The following RHOH variants were observed in gnomAD, a reference collection of about 807,000 sequenced individuals.
RHOH encodes the protein rho-related GTP-binding protein RhoH.
RHOH carries 6 observed loss-of-function variants against 13.8 expected under a neutral mutation model. The ratio of observed to expected loss-of-function variants is 0.44; its 90% CI spans 0.24 to 0.86. The LOEUF (loss-of-function observed/expected upper bound fraction) is 0.86, where lower values mean the gene tolerates loss of function less well. Ranked by LOEUF, RHOH falls within the 40% of genes least tolerant of loss-of-function variation. RHOH has a pLI of 0.24. For synonymous variants in RHOH, 117 were observed against 103.0 expected (o/e 1.14, Z -0.82); for missense variants, 147 against 244.5 (o/e 0.60, Z 2.66).
At chr4:40,214,858 G>T (rs1725691287) in intron 1 of RHOH, among the ~76,000 whole-genome samples, 2 of 152,156 alleles carry the variant, frequency 1.3e-5, no homozygotes, top group Admixed American at 6.5e-5. Context: ...GTTGACCAGG[G>T]AATGTCTTGG....
At chr4:40,201,836 G>C (rs760169599) in intron 1 of RHOH, among the ~76,000 whole-genome samples, 1 of 150,208 alleles carries the variant, frequency 6.7e-6, no homozygotes, top group Non-Finnish European at 1.5e-5. Context: ...ATAATTCAAA[G>C]AAAAGTAATA....
rs1014853307 is a variant in RHOH, at chr4:40,246,307, G to C, written c.*2345G>C. On this transcript the variant is annotated 3_prime_UTR_variant, in exon 3 of 3. Coordinates refer to ENST00000381799, the MANE Select transcript of RHOH (RefSeq NM_004310.5). ...GGGGTGGGTATCTGAAAGTGGGAAG[G>C]GCCACCATACATGATCCTAAGTGAA... is the stretch of plus-strand genomic sequence containing the variant. 1 of 152,280 alleles carries C rather than the reference G, an allele frequency of 6.6e-6. No individual in the cohort carries two copies. The allele number at this position is 152,280 out of a possible 1,614,324, so 9.4% of individuals were successfully genotyped here.
At chr4:40,232,156 C>T (rs187023110) in intron 1 of RHOH, among the ~76,000 whole-genome samples, 97 of 152,222 alleles carry the variant, frequency 6.4e-4, no homozygotes, top group African/African-American at 2.1e-3. Context: ...AACTTGGCTT[C>T]AATGCCTGAC....
At chr4:40,196,169 C>A (rs1349777393), upstream of RHOH, among the ~76,000 whole-genome samples, 1 of 152,190 alleles carries the variant, frequency 6.6e-6, no homozygotes, top group African/African-American at 2.4e-5. Flanking sequence ...GGCCGATGCA[C>A]TGATAAAATA....
At chr4:40,233,090 C>T (rs949846535) in intron 1 of RHOH, among the ~76,000 whole-genome samples, 1 of 152,108 alleles carries the variant, frequency 6.6e-6, no homozygotes, top group Admixed American at 6.6e-5. Context: ...TACGACAACC[C>T]CTCAAGGTAA....
chr4:40,197,623 G>A (rs563627868), intron 1 of RHOH, among the ~76,000 whole-genome samples: 1 of 152,238 alleles, frequency 6.6e-6, no homozygotes, highest in East Asian at 1.9e-4. Context: ...TACTACCCAA[G>A]GTTTGATGAA....
At chr4:40,193,479 C>CGAGAGAGAGAGAGAGA (rs34244157), upstream of RHOH, among the ~76,000 whole-genome samples, 442 of 88,648 alleles carry the variant, frequency 5.0e-3, 5 homozygotes, top group African/African-American at 7.9e-3. Context: ...AGAATGAGAG[C>CGAGAGAGAGAGAGAGA]GAGAGAGAGA....
At chr4:40,197,742 C>T (rs548413163) in intron 1 of RHOH, among the ~76,000 whole-genome samples, 1 of 152,312 alleles carries the variant, frequency 6.6e-6, no homozygotes, top group Admixed American at 6.5e-5. Context: ...TCTGGAATTT[C>T]TAGCTTGTGT....
intron 1 of RHOH, among the ~76,000 whole-genome samples, chr4:40,197,900 A>G (rs2109343639): frequency 6.6e-6 from 1 of 152,338 alleles, no homozygotes; most frequent in Non-Finnish European, 1.5e-5. Context: ...CTGAGTTGTA[A>G]CTAAACAAAG....
At chr4:40,201,294 A>G (rs1018520691) in intron 1 of RHOH, among the ~76,000 whole-genome samples, 1 of 151,504 alleles carries the variant, frequency 6.6e-6, no homozygotes, top group African/African-American at 2.4e-5. Flanking sequence ...CATTATTTGC[A>G]TCATCTATGG....
At chr4:40,197,518 A>G (rs1323635570) in intron 1 of RHOH, among the ~76,000 whole-genome samples, 1 of 152,168 alleles carries the variant, frequency 6.6e-6, no homozygotes, top group Non-Finnish European at 1.5e-5. Flanking sequence ...TGAAACATGA[A>G]AAGTTACAAT....
At position 40,218,335 on chromosome 4, in the gene RHOH, GT is replaced by G. The variant is rs1177813589; in HGVS notation, c.-331+21036del. 2.0e-5 allele frequency: 3 copies of G among 152,208 alleles called. No homozygotes were observed. The highest frequency in any genetic ancestry group is 7.2e-5 in the African/African-American group (3 of 41,440). The allele number at this position is 152,208 out of a possible 1,614,324, so 9.4% of individuals were successfully genotyped here. On this transcript the variant is annotated intron_variant, in intron 1 of 2. Transcript: ENST00000381799. The surrounding 1 kb of genome is among the most constrained non-coding windows in gnomAD (Gnocchi z 4.1). Reference sequence around the variant, plus strand: ...ATGCACGTTCTGTCTACAATGACCAGTGGACTCTAAACTGGGCTGGAACATG... The same window carrying G: ...ATGCACGTTCTGTCTACAATGACCAGGGACTCTAAACTGGGCTGGAACATG...
upstream of RHOH, among the ~76,000 whole-genome samples, chr4:40,194,793 T>C (rs1228366198): frequency 1.3e-5 from 2 of 152,240 alleles, no homozygotes; most frequent in African/African-American, 4.8e-5. Context: ...GAGTTGCTTT[T>C]AGTAAACTCT....
intron 1 of RHOH, among the ~76,000 whole-genome samples, chr4:40,230,246 C>T (rs1187793334): frequency 1.3e-5 from 2 of 151,864 alleles, no homozygotes; most frequent in Non-Finnish European, 2.9e-5. Flanking sequence ...GCCATGTTGG[C>T]CAGGCTGGTC....
chr4:40,193,373 G>A (rs1722802587), upstream of RHOH, among the ~76,000 whole-genome samples: 1 of 152,146 alleles, frequency 6.6e-6, no homozygotes, highest in Non-Finnish European at 1.5e-5. Context: ...CACGCCCTGG[G>A]GCTTGGGTGC....
chr4:40,201,280 T>C (rs1297370772), intron 1 of RHOH, among the ~76,000 whole-genome samples: 1 of 152,036 alleles, frequency 6.6e-6, no homozygotes, highest in Non-Finnish European at 1.5e-5. Context: ...CATTAGGTTT[T>C]ATTCATTATT....
At position 40,243,752 on chromosome 4, in the gene RHOH, G is replaced by T; in HGVS notation, c.366G>T (p.Glu122Asp). ...LVVATQTDQR[E>D]MGPHRASCVN... ...TGGCCACCCAGACTGACCAGCGGGA[G>T]ATGGGGCCCCACAGGGCCTCCTGCG... The change falls in exon 3 of 3, where the codon GAG becomes GAT. Residue 122 changes from glutamate (E) to aspartate (D), a missense_variant. Glu to Asp is a conservative substitution (Grantham distance 45). Around this residue, in one of 3 missense-constraint regions of RHOH, gnomAD observed 36 missense variants for 30.7 expected, o/e 1.17. Transcript: ENST00000381799. This position sits in a 1 kb window ranked among gnomAD's most constrained non-coding sequence, Gnocchi z 6.2. 1.2e-6 allele frequency: 2 copies of T among 1,614,086 alleles called. No homozygotes were observed. The highest frequency in any genetic ancestry group is 1.7e-6 in the Non-Finnish European group (2 of 1,180,020).
intron 1 of RHOH, among the ~76,000 whole-genome samples, chr4:40,211,733 C>T (rs1271570253): frequency 6.6e-6 from 1 of 151,994 alleles, no homozygotes; most frequent in Non-Finnish European, 1.5e-5. Flanking sequence ...ATAATTAGTT[C>T]TGATAGTTCC....
At chr4:40,194,236 TA>T (rs1233619062), upstream of RHOH, among the ~76,000 whole-genome samples, 29 of 142,862 alleles carry the variant, frequency 2.0e-4, 1 homozygote, top group African/African-American at 6.3e-4. Flanking sequence ...TTATTATTAT[TA>T]TTATTTTTTA....
Sources: gnomAD v4.1 joint callset for allele counts (sites outside exome capture counted in the v4.1 genomes callset) on GRCh38, gnomAD v4.1.1 for gene constraint, gnomAD v4.1.1 regional missense constraint, Gnocchi (gnomAD v3.1) non-coding constraint, MANE v1.5 for transcripts, NCBI Gene and HGNC (gene_info 2026-07-23, HGNC 2026-07-21) for gene names.